Variants in MYO3B observed in about 807,000 individuals in gnomAD.
The protein encoded by MYO3B is myosin IIIB, also known as myosin-IIIb.
A neutral mutation model predicts 174.6 loss-of-function variants in MYO3B; 156 were observed. The ratio of observed to expected loss-of-function variants is 0.89; its 90% CI spans 0.78 to 1.02. The LOEUF (loss-of-function observed/expected upper bound fraction) is 1.02. Among genes scored for constraint, MYO3B ranks in the 50% least tolerant of loss-of-function variants. The probability of loss-of-function intolerance (pLI) is 0.00; values close to 1 mark genes in which losing one functional copy is unlikely to be tolerated. For missense variants in MYO3B, 1,632 were observed against 1,639.4 expected, an observed-to-expected ratio of 1.00 and a Z score of 0.08; for synonymous variants, 563 against 569.1, an observed-to-expected ratio of 0.99 and a Z score of 0.15.
At chr2:170,227,903 A>C (rs2092969649) in intron 6 of MYO3B, among the ~76,000 whole-genome samples, 1 of 152,076 alleles carries the variant, frequency 6.6e-6, no homozygotes, top group South Asian at 2.1e-4. Context: ...TAACTTTCTG[A>C]ATCTGTTTCC....
chr2:170,587,108 A>G (rs1333415754), intron 32 of MYO3B, among the ~76,000 whole-genome samples: 2 of 152,252 alleles, frequency 1.3e-5, no homozygotes, highest in Non-Finnish European at 2.9e-5. Context: ...TTACATAAAC[A>G]TCTGTGCTAC....
intron 8 of MYO3B, among the ~76,000 whole-genome samples, chr2:170,337,161 T>G (rs575451310): frequency 1.3e-5 from 2 of 152,074 alleles, no homozygotes; most frequent in Non-Finnish European, 2.9e-5. Context: ...AAGAGCCACT[T>G]CCAGAGGTTT....
At chr2:170,521,890 T>C (rs1688690479) in intron 30 of MYO3B, among the ~76,000 whole-genome samples, 1 of 152,178 alleles carries the variant, frequency 6.6e-6, no homozygotes, top group South Asian at 2.1e-4. Flanking sequence ...AAAACTATTC[T>C]TGGGAAGCAC....
At chr2:170,560,886 G>A (rs899131090) in intron 32 of MYO3B, among the ~76,000 whole-genome samples, 3 of 152,172 alleles carry the variant, frequency 2.0e-5, no homozygotes, top group Non-Finnish European at 2.9e-5. Flanking sequence ...GGGTACCGAC[G>A]GGGGACAGAA....
intron 6 of MYO3B, among the ~76,000 whole-genome samples, chr2:170,222,330 C>G (rs1008743397): frequency 1.3e-5 from 2 of 152,200 alleles, no homozygotes; most frequent in African/African-American, 4.8e-5. Context: ...CTTTTCCACC[C>G]TATATTTATT....
At chr2:170,298,958 G>C (rs992818370) in intron 7 of MYO3B, among the ~76,000 whole-genome samples, 3 of 152,060 alleles carry the variant, frequency 2.0e-5, no homozygotes, top group Admixed American at 6.6e-5. Context: ...ATGCTTTACA[G>C]GTCCATGGGC....
At chr2:170,515,425 A>G (rs1325754938) in intron 29 of MYO3B, among the ~76,000 whole-genome samples, 1 of 152,132 alleles carries the variant, frequency 6.6e-6, no homozygotes, top group Non-Finnish European at 1.5e-5. Flanking sequence ...ATGATCCAGA[A>G]CCTGGTATAT....
intron 6 of MYO3B, among the ~76,000 whole-genome samples, chr2:170,218,711 A>C (rs2092858179): frequency 6.6e-6 from 1 of 152,252 alleles, no homozygotes; most frequent in Non-Finnish European, 1.5e-5. Context: ...TGCCAACTTA[A>C]TAGTAAACAT....
intron 23 of MYO3B, among the ~76,000 whole-genome samples, chr2:170,460,487 C>A (rs1353721455): frequency 1.2e-3 from 88 of 73,674 alleles, no homozygotes; most frequent in African/African-American, 2.7e-3. Flanking sequence ...GACTCCGTCT[C>A]AAAAAAAAAA....
At chr2:170,608,575 T>C (rs896584922) in intron 32 of MYO3B, among the ~76,000 whole-genome samples, 2 of 151,876 alleles carry the variant, frequency 1.3e-5, no homozygotes, top group African/African-American at 4.8e-5. Context: ...TTTGCATAGA[T>C]GTGCTCAGAA....
intron 21 of MYO3B, 97 bp downstream of exon 21, chr2:170,405,730 C>A (rs2094505412): frequency 3.1e-6 from 3 of 962,616 alleles, no homozygotes; most frequent in Non-Finnish European, 4.7e-6. Context: ...TTACAGATTT[C>A]TTTCCCATTT....
intron 7 of MYO3B, among the ~76,000 whole-genome samples, chr2:170,284,661 T>G (rs1016118214): frequency 6.6e-6 from 1 of 152,304 alleles, no homozygotes; most frequent in Non-Finnish European, 1.5e-5. Context: ...GTTTAAATAT[T>G]TAAAACATAC....
At chr2:170,308,997 G>A (rs1487624503) in intron 7 of MYO3B, among the ~76,000 whole-genome samples, 1 of 152,152 alleles carries the variant, frequency 6.6e-6, no homozygotes, top group Non-Finnish European at 1.5e-5. Flanking sequence ...TTAAGGCCAG[G>A]GAGGCCAATC....
At chr2:170,459,012 C>G (rs528124217) in intron 23 of MYO3B, among the ~76,000 whole-genome samples, 26 of 152,252 alleles carry the variant, frequency 1.7e-4, no homozygotes, top group Non-Finnish European at 3.4e-4. Flanking sequence ...TTCCTCCCGT[C>G]CGGAGTTGTT....
chr2:170,407,640 G>T lies in MYO3B; in HGVS notation c.2521-75G>T, dbSNP rs1432372061. 1.5e-5 allele frequency: 23 copies of T among 1,573,552 alleles called. No homozygotes were observed. The East Asian group carries it at 5.2e-4, about 35-fold the overall frequency. On this transcript the variant is annotated intron_variant, in intron 21 of 34. Coordinates refer to ENST00000408978, the MANE Select transcript of MYO3B (RefSeq NM_138995.5). The stretch of plus-strand genomic sequence containing the variant: ...CTATATAGAGGTTGATTAACAACTG[G>T]TTAGGCAAGTTGCCAGTGTCACCAA...
At chr2:170,595,075 G>A (rs1694058757) in intron 32 of MYO3B, among the ~76,000 whole-genome samples, 1 of 152,088 alleles carries the variant, frequency 6.6e-6, no homozygotes, top group South Asian at 2.1e-4. Context: ...ATCTGGCTCT[G>A]ACATCGAGCC....
intron 32 of MYO3B, among the ~76,000 whole-genome samples, chr2:170,586,344 G>A (rs755519506): frequency 6.6e-5 from 10 of 152,114 alleles, no homozygotes; most frequent in Non-Finnish European, 1.3e-4. Context: ...GAAACATAAG[G>A]CTCAGAGCAG....
chr2:170,535,294 C>T (rs938907059), intron 30 of MYO3B, among the ~76,000 whole-genome samples: 29 of 152,216 alleles, frequency 1.9e-4, no homozygotes, highest in Admixed American at 5.2e-4. Context: ...ATGTGTCATA[C>T]ACATTGTTCT....
At chr2:170,427,524 A>G (rs1178698700) in intron 22 of MYO3B, among the ~76,000 whole-genome samples, 3 of 152,234 alleles carry the variant, frequency 2.0e-5, no homozygotes, top group Non-Finnish European at 2.9e-5. Flanking sequence ...ACATATATCT[A>G]TAAGAAATGT....
Sources: allele counts gnomAD v4.1 joint callset (sites outside exome capture counted in the v4.1 genomes callset), GRCh38; gene constraint gnomAD v4.1.1; transcripts MANE v1.5; gene names NCBI Gene and HGNC (gene_info 2026-07-23, HGNC 2026-07-21).